PFKFB3: variants seen among roughly 807,000 people sequenced by gnomAD.
The protein encoded by PFKFB3 is 6-phosphofructo-2-kinase/fructose-2,6-biphosphatase 3, also known as 6-phosphofructo-2-kinase/fructose-2,6-bisphosphatase 3.
In PFKFB3, 33 loss-of-function variants were observed where a neutral mutation model predicts 68.0. The ratio of observed to expected loss-of-function variants is 0.49; its 90% CI spans 0.37 to 0.65. PFKFB3 has a LOEUF of 0.65. PFKFB3 is among the 30% of genes least tolerant of loss of function. The pLI is 0.00. For synonymous variants in PFKFB3, 315 were observed against 288.2 expected, an observed-to-expected ratio of 1.09 and a Z score of -0.94; for missense variants, 586 against 712.2, an observed-to-expected ratio of 0.82 and a Z score of 2.02.
chr10:6,149,340 C>A (rs1429175720), intron 1 of PFKFB3, among the ~76,000 whole-genome samples: 2 of 151,964 alleles, frequency 1.3e-5, no homozygotes, highest in African/African-American at 4.8e-5. Flanking sequence ...ATAATCCCAG[C>A]ACTTGGGAGG....
At position 6,228,876 on chromosome 10, in the gene PFKFB3, C is replaced by T. The variant is rs1845540704; in HGVS notation, c.1515+2511C>T. ...TCTAACCCATGTGGTCACTTCTGCT[C>T]CTCCCAGAGCTCTCTGCAGAGTTTC... On this transcript the variant is annotated intron_variant, in intron 14 of 14. Coordinates refer to ENST00000379775, the MANE Select transcript of PFKFB3 (RefSeq NM_004566.4). The surrounding 1 kb of genome is among the most constrained non-coding windows in gnomAD (Gnocchi z 4.5). 6.6e-6 allele frequency among the ~76,000 whole-genome samples: 1 copy of T among 152,164 alleles called. No individual in the cohort carries two copies. Among genetic ancestry groups the T allele is most frequent in the Admixed American group, 6.5e-5 (1 of 15,280 alleles).
At chr10:6,231,060 A>G (rs1044848210) in intron 14 of PFKFB3, among the ~76,000 whole-genome samples, 2 of 152,028 alleles carry the variant, frequency 1.3e-5, no homozygotes, top group Admixed American at 6.6e-5. Flanking sequence ...TAAGATGGGG[A>G]CGAACAACTG....
chr10:6,263,058 A>C, the PFKFB3 span, among the ~76,000 whole-genome samples: 1 of 152,240 alleles, frequency 6.6e-6, no homozygotes, highest in Non-Finnish European at 1.5e-5. Flanking sequence ...TGTGAAGTTG[A>C]AGTGGGAAAT....
At chr10:6,304,562 T>C in the PFKFB3 span, among the ~76,000 whole-genome samples, 1 of 151,248 alleles carries the variant, frequency 6.6e-6, no homozygotes, top group Admixed American at 6.6e-5. Flanking sequence ...AGTTTCACCA[T>C]GTTGACCAGG....
chr10:6,248,018 A>G (rs542236118), intron 14 of PFKFB3, among the ~76,000 whole-genome samples: 1 of 152,352 alleles, frequency 6.6e-6, no homozygotes, highest in South Asian at 2.1e-4. Context: ...ATCAGGTAAC[A>G]ATGGCTGCCA....
intron 1 of PFKFB3, among the ~76,000 whole-genome samples, chr10:6,153,947 A>G (rs992317349): frequency 2.0e-5 from 3 of 151,950 alleles, no homozygotes; most frequent in Admixed American, 6.6e-5. Context: ...TTGGACCAAG[A>G]CTGAGGGGAG....
chr10:6,276,879 G>A, the PFKFB3 span, among the ~76,000 whole-genome samples: 1 of 139,188 alleles, frequency 7.2e-6, no homozygotes, highest in African/African-American at 2.5e-5. Context: ...GTTGTAGGCA[G>A]GTTTATCACA....
At chr10:6,314,801 G>A in the PFKFB3 span, among the ~76,000 whole-genome samples, 4 of 152,194 alleles carry the variant, frequency 2.6e-5, no homozygotes, top group South Asian at 2.1e-4. Context: ...AGGGCTCAGC[G>A]GAGTTTGTGA....
intron 1 of PFKFB3, among the ~76,000 whole-genome samples, chr10:6,194,927 C>T (rs1030732920): frequency 6.6e-6 from 1 of 150,810 alleles, no homozygotes; most frequent in Admixed American, 6.6e-5. Context: ...GGCTGGAATG[C>T]AGTGGCGCAA....
downstream of PFKFB3, among the ~76,000 whole-genome samples, chr10:6,237,602 T>C (rs1454639982): frequency 6.6e-6 from 1 of 152,238 alleles, no homozygotes; most frequent in African/African-American, 2.4e-5. Context: ...AGGGTTTTGC[T>C]CTGTCTCCCA....
chr10:6,164,734 A>G (rs1176423666), intron 1 of PFKFB3, among the ~76,000 whole-genome samples: 2 of 152,120 alleles, frequency 1.3e-5, no homozygotes, highest in Non-Finnish European at 2.9e-5. Context: ...ATGTGAGCAA[A>G]GGAATCTGTA....
At chr10:6,258,314 G>C (rs1846510460), downstream of PFKFB3, among the ~76,000 whole-genome samples, 1 of 152,188 alleles carries the variant, frequency 6.6e-6, no homozygotes, top group African/African-American at 2.4e-5. Flanking sequence ...AGGGATCATG[G>C]AGACATTCAG....
chr10:6,231,471 T>G, intron 14 of PFKFB3: 2 of 985,336 alleles, frequency 2.0e-6, no homozygotes, highest in Non-Finnish European at 2.4e-6. Context: ...AGTCTGTCTC[T>G]CACCCCCCAC....
chr10:6,200,851 T>C (rs1239436723), upstream of PFKFB3, among the ~76,000 whole-genome samples: 1 of 152,174 alleles, frequency 6.6e-6, no homozygotes, highest in Non-Finnish European at 1.5e-5. Context: ...GGACATCAAC[T>C]CCCTGTGCCC....
At chr10:6,221,308 G>A in intron 8 of PFKFB3, 73 bp from the exon 9 acceptor site, 5 of 1,575,892 alleles carry the variant, frequency 3.2e-6, no homozygotes, top group South Asian at 1.2e-5. Flanking sequence ...TACGTGGGCT[G>A]CCTGCTCCAG....
chr10:6,187,962 T>G lies in PFKFB3; in HGVS notation c.17-25661T>G, dbSNP rs1842917282. Among the ~76,000 whole-genome samples the G allele has an allele frequency of 2.2e-5, 3 of 133,752 alleles. No individual in the cohort carries two copies. In the South Asian group the frequency reaches 7.8e-4, roughly 35 times the overall value. 87.7% of individuals were successfully genotyped at this position (133,752 alleles called of 152,430 possible). A position where few individuals can be genotyped will look rare whatever the true frequency, so the allele number is the denominator to read the frequency against. On this transcript the variant is annotated intron_variant, in intron 1 of 14. Transcript: ENST00000379789. ...CTCCCTCTCCATTTCTATCTATCTATCTATCTATCTATCTATCCATCCATC... is the reference window on the plus strand; with the variant it reads ...CTCCCTCTCCATTTCTATCTATCTAGCTATCTATCTATCTATCCATCCATC...
chr10:6,148,969 C>T (rs967878763), intron 1 of PFKFB3, among the ~76,000 whole-genome samples: 1 of 152,192 alleles, frequency 6.6e-6, no homozygotes, highest in Non-Finnish European at 1.5e-5. Flanking sequence ...GTCCCAGCTA[C>T]TCTGGAGTCT....
the PFKFB3 span, among the ~76,000 whole-genome samples, chr10:6,271,387 T>TG: frequency 6.6e-6 from 1 of 152,200 alleles, no homozygotes; most frequent in African/African-American, 2.4e-5. Flanking sequence ...AGCTGCCTCC[T>TG]GGGGGTGTGG....
intron 14 of PFKFB3, among the ~76,000 whole-genome samples, chr10:6,253,195 G>A (rs1188913659): frequency 6.6e-6 from 1 of 152,282 alleles, no homozygotes; most frequent in Admixed American, 6.5e-5. Context: ...TGGGATTATA[G>A]GCATGAGCCA....
Sources: gnomAD v4.1 joint callset for allele counts (sites outside exome capture counted in the v4.1 genomes callset) on GRCh38, gnomAD v4.1.1 for gene constraint, Gnocchi (gnomAD v3.1) non-coding constraint, MANE v1.5 for transcripts, NCBI Gene and HGNC (gene_info 2026-07-23, HGNC 2026-07-21) for gene names.